Variants in MAP1LC3B2 observed in about 807,000 individuals in gnomAD.
MAP1LC3B2 encodes the protein microtubule associated protein 1 light chain 3 beta 2, also known as microtubule-associated protein 1 light chain 3 beta 2.
For synonymous variants in MAP1LC3B2, 62 were observed against 57.8 expected (o/e 1.07, Z -0.33); for missense variants, 155 against 154.6 (o/e 1.00, Z -0.01).
At chr12:116,565,406 C>T (rs899161283) in intron 1 of MAP1LC3B2, among the ~76,000 whole-genome samples, 2 of 152,194 alleles carry the variant, frequency 1.3e-5, no homozygotes, top group Admixed American at 6.5e-5. Flanking sequence ...CGGATTTCCC[C>T]TTATCAAACC....
At position 116,561,332 on chromosome 12, in the gene MAP1LC3B2, G is replaced by A. The variant is rs76125713; in HGVS notation, c.-102+1899G>A. 3.4e-3 allele frequency among the ~76,000 whole-genome samples: 514 copies of A among 152,202 alleles called. 1 individual carries two copies. Among genetic ancestry groups the A allele is most frequent in the Middle Eastern group, 0.02 (6 of 294 alleles). ...ATGGGTAGATTAGACACACAGAGAG[G>A]AAGTCCCAGAGGAACTTGGAAGTGA... is the stretch of plus-strand genomic sequence containing the variant. On this transcript the variant is annotated intron_variant, in intron 1 of 1. Transcript: ENST00000556529.
At position 116,576,108 on chromosome 12, in the gene MAP1LC3B2, G is replaced by A; in HGVS notation, c.166G>A (p.Asp56Asn). 6.2e-7 allele frequency: 1 copy of A among 1,614,182 alleles called. No individual in the cohort carries two copies. Reference sequence around the variant, plus strand: ...GGATAAAACAAAGTTCCTTGTACCTGACCATGTCAACATGAGTGAGCTCAT... The same window carrying A: ...GGATAAAACAAAGTTCCTTGTACCTAACCATGTCAACATGAGTGAGCTCAT... ...VLDKTKFLVP[D>N]HVNMSELIKI... The change falls in exon 2 of 2, where the codon GAC becomes AAC. Residue 56 changes from aspartate (D) to asparagine (N), a missense_variant. Asp to Asn is a conservative substitution (Grantham distance 23). Transcript: ENST00000556529.
intron 1 of MAP1LC3B2, chr12:116,560,188 C>CAATATATATA (rs1491120344): frequency 2.3e-5 from 2 of 88,444 alleles, no homozygotes; most frequent in Admixed American, 1.1e-4. Context: ...CTAAGTTTGG[C>CAATATATATA]TATATATATA....
At chr12:116,571,566 C>T (rs184457981) in intron 1 of MAP1LC3B2, among the ~76,000 whole-genome samples, 3 of 139,408 alleles carry the variant, frequency 2.2e-5, no homozygotes, top group East Asian at 4.3e-4. Context: ...CTGCAAGCTC[C>T]GCCTCCCGGG....
At chr12:116,563,006 G>C (rs535148273) in intron 1 of MAP1LC3B2, among the ~76,000 whole-genome samples, 1 of 152,216 alleles carries the variant, frequency 6.6e-6, no homozygotes, top group East Asian at 1.9e-4. Flanking sequence ...TTGTTGTCCA[G>C]GCTAGAGTGC....
intron 1 of MAP1LC3B2, among the ~76,000 whole-genome samples, chr12:116,566,240 T>G (rs921810755): frequency 1.3e-5 from 2 of 152,244 alleles, no homozygotes; most frequent in Non-Finnish European, 2.9e-5. Context: ...AATGCATTTC[T>G]TCTTTTCCCA....
chr12:116,568,111 G>A (rs1280917546), intron 1 of MAP1LC3B2, among the ~76,000 whole-genome samples: 1 of 152,188 alleles, frequency 6.6e-6, no homozygotes, highest in Non-Finnish European at 1.5e-5. Context: ...TGCCTTGATA[G>A]CTTTGCAGCT....
At chr12:116,573,497 C>T (rs903118546) in intron 1 of MAP1LC3B2, among the ~76,000 whole-genome samples, 2 of 151,976 alleles carry the variant, frequency 1.3e-5, no homozygotes, top group Non-Finnish European at 2.9e-5. Context: ...GGATTAATAT[C>T]GTCTTCCTTT....
At chr12:116,569,896 A>T (rs1869485454) in intron 1 of MAP1LC3B2, among the ~76,000 whole-genome samples, 1 of 152,030 alleles carries the variant, frequency 6.6e-6, no homozygotes, top group African/African-American at 2.4e-5. Flanking sequence ...TCTACTAAAA[A>T]TACAAAAATT....
At chr12:116,568,505 G>A (rs533490870) in intron 1 of MAP1LC3B2, among the ~76,000 whole-genome samples, 6 of 152,148 alleles carry the variant, frequency 3.9e-5, no homozygotes, top group African/African-American at 1.4e-4. Context: ...ATGCCCTCTG[G>A]CTCCACTTCA....
chr12:116,565,860 A>C (rs1412354272), intron 1 of MAP1LC3B2, among the ~76,000 whole-genome samples: 6 of 152,224 alleles, frequency 3.9e-5, no homozygotes, highest in African/African-American at 1.4e-4. Flanking sequence ...ACAGAGACAC[A>C]TTACAAAATA....
At chr12:116,560,374 G>T (rs752727717) in intron 1 of MAP1LC3B2, among the ~76,000 whole-genome samples, 4 of 151,428 alleles carry the variant, frequency 2.6e-5, no homozygotes, top group African/African-American at 9.7e-5. Context: ...TCAGCCTTCC[G>T]ACTAGCTGGG....
intron 1 of MAP1LC3B2, among the ~76,000 whole-genome samples, chr12:116,572,919 C>A (rs2136963960): frequency 6.6e-6 from 1 of 152,160 alleles, no homozygotes. Context: ...TCAATTGTGG[C>A]GGATTTTTTT....
In MAP1LC3B2 at chr12:116,576,333, T is replaced by G. The variant is rs368710556; in HGVS notation, c.*13T>G. On this transcript the variant is annotated 3_prime_UTR_variant, in exon 2 of 2. Coordinates refer to ENST00000556529, the MANE Select transcript of MAP1LC3B2 (RefSeq NM_001085481.3). ...ATTGTCAGTGTAAAACCAGAAAAAATGCATCTCTTCTAGAATTTTTTAAAC... is the reference window on the plus strand; with the variant it reads ...ATTGTCAGTGTAAAACCAGAAAAAAGGCATCTCTTCTAGAATTTTTTAAAC... 7 of 1,600,238 alleles carry G rather than the reference T, an allele frequency of 4.4e-6. No homozygotes were observed. The highest frequency in any genetic ancestry group is 6.0e-6 in the Non-Finnish European group (7 of 1,175,376).
chr12:116,572,257 A>G (rs902767011), intron 1 of MAP1LC3B2, among the ~76,000 whole-genome samples: 12 of 152,200 alleles, frequency 7.9e-5, no homozygotes, highest in African/African-American at 2.9e-4. Context: ...ATGAAAGGAA[A>G]TCAAGGGTAT....
At chr12:116,575,037 G>A (rs1000336060) in intron 1 of MAP1LC3B2, among the ~76,000 whole-genome samples, 8 of 151,984 alleles carry the variant, frequency 5.3e-5, no homozygotes, top group East Asian at 3.9e-4. Context: ...AAAATTATCC[G>A]GGCTTGGTGG....
intron 1 of MAP1LC3B2, among the ~76,000 whole-genome samples, chr12:116,574,737 G>T (rs1487294879): frequency 2.0e-5 from 3 of 151,336 alleles, no homozygotes; most frequent in Non-Finnish European, 2.9e-5. Flanking sequence ...TGTGTTTTTA[G>T]TAGAGACAGG....
At chr12:116,575,815 A>G in intron 1 of MAP1LC3B2, 27 bp from the exon 2 acceptor site, 2 of 1,015,212 alleles carry the variant, frequency 2.0e-6, no homozygotes, top group African/African-American at 1.6e-5. Context: ...ACAACTACTC[A>G]GCTCTGTTGT....
In MAP1LC3B2 at chr12:116,575,835, AAAAT is replaced by A; in HGVS notation, c.-101-5_-101-2del. The A allele has an allele frequency of 7.4e-7, 1 of 1,343,150 alleles. No homozygotes were observed. Among genetic ancestry groups the A allele is most frequent in the Non-Finnish European group, 1.0e-6 (1 of 954,996 alleles). 83.2% of individuals were successfully genotyped at this position (1,343,150 alleles called of 1,614,324 possible). ...TACTCAGCTCTGTTGTTATTGTGCA[AAAAT>A]AGCCTTACACGGCCACAGTCGGATT... On this transcript the variant is annotated splice_region_variant and splice_polypyrimidine_tract_variant and intron_variant, in intron 1 of 1. Coordinates refer to ENST00000556529, the MANE Select transcript of MAP1LC3B2 (RefSeq NM_001085481.3).
Sources: gnomAD v4.1 joint callset for allele counts (sites outside exome capture counted in the v4.1 genomes callset) on GRCh38, gnomAD v4.1.1 for gene constraint, MANE v1.5 for transcripts, NCBI Gene and HGNC (gene_info 2026-07-23, HGNC 2026-07-21) for gene names.